ZFHX3: variants seen among roughly 807,000 people sequenced by gnomAD.
ZFHX3 encodes zinc finger homeobox protein 3.
A neutral mutation model predicts 279.1 loss-of-function variants in ZFHX3; 42 were observed. That is an observed-to-expected ratio of 0.15 (90% CI 0.12 to 0.19). The LOEUF is 0.19. Ranked by LOEUF, ZFHX3 falls within the 10% of genes least tolerant of loss-of-function variation. ZFHX3 has a pLI of 1.00. For synonymous variants in ZFHX3, 2,293 were observed against 1,957.8 expected (o/e 1.17, Z -4.52); for missense variants, 4,981 against 4,754.0 (o/e 1.05, Z -1.40).
intron 2 of ZFHX3, among the ~76,000 whole-genome samples, chr16:73,471,346 T>C (rs1014479057): frequency 1.3e-5 from 2 of 152,216 alleles, no homozygotes; most frequent in Admixed American, 6.5e-5. Context: ...AGGTAGGCTA[T>C]TCATGCCCTA....
chr16:73,784,794 A>ATAT (rs1555501444), intron 1 of ZFHX3, among the ~76,000 whole-genome samples: 18 of 114,220 alleles, frequency 1.6e-4, no homozygotes, highest in Admixed American at 9.6e-4. Context: ...AATAAAAAAA[A>ATAT]AAATATATAT....
chr16:73,848,836 GTCTCT>G (rs1360993558), intron 1 of ZFHX3, among the ~76,000 whole-genome samples: 1 of 152,158 alleles, frequency 6.6e-6, no homozygotes, highest in Non-Finnish European at 1.5e-5. Context: ...AACAGCTTCT[GTCTCT>G]TCTCAAGTTT....
intron 3 of ZFHX3, among the ~76,000 whole-genome samples, chr16:72,924,212 C>G (rs761399648): frequency 6.6e-6 from 1 of 152,150 alleles, no homozygotes; most frequent in Non-Finnish European, 1.5e-5. Context: ...AAAACTTAAA[C>G]GACTTTAGAT....
chr16:72,876,506 T>G (rs568131731), intron 4 of ZFHX3, among the ~76,000 whole-genome samples: 1 of 152,298 alleles, frequency 6.6e-6, no homozygotes, highest in African/African-American at 2.4e-5. Context: ...GCATCGCCCG[T>G]TGGAAAGTTT....
At chr16:73,017,234 GAA>G (rs113170514) in intron 1 of ZFHX3, among the ~76,000 whole-genome samples, 2 of 126,286 alleles carry the variant, frequency 1.6e-5, no homozygotes, top group Non-Finnish European at 3.4e-5. Flanking sequence ...CTCCCATCTC[GAA>G]AAAAAAAAAA....
intron 7 of ZFHX3, among the ~76,000 whole-genome samples, chr16:72,803,071 C>T (rs2036158525): frequency 1.3e-5 from 2 of 152,160 alleles, no homozygotes; most frequent in Non-Finnish European, 2.9e-5. Flanking sequence ...GTGGCTCAAG[C>T]CTGTAATCCC....
intron 1 of ZFHX3, among the ~76,000 whole-genome samples, chr16:73,844,335 G>A (rs1240866446): frequency 6.6e-6 from 1 of 152,200 alleles, no homozygotes; most frequent in Non-Finnish European, 1.5e-5. Flanking sequence ...CTTGGACTTG[G>A]TTGAAGGTAG....
At chr16:73,800,088 T>C (rs890608122) in intron 1 of ZFHX3, among the ~76,000 whole-genome samples, 3 of 152,164 alleles carry the variant, frequency 2.0e-5, no homozygotes, top group African/African-American at 4.8e-5. Context: ...AATTGTTTAA[T>C]AAAACAATGA....
chr16:73,440,502 G>A (rs971722319), intron 3 of ZFHX3, among the ~76,000 whole-genome samples: 9 of 152,124 alleles, frequency 5.9e-5, no homozygotes, highest in African/African-American at 1.2e-4. Flanking sequence ...TGCCTGCCAC[G>A]GAAAGTCTCC....
chr16:73,389,477 A>G (rs1239252471), intron 3 of ZFHX3, among the ~76,000 whole-genome samples: 2 of 152,204 alleles, frequency 1.3e-5, no homozygotes, highest in East Asian at 1.9e-4. Flanking sequence ...ATAAACCTGT[A>G]CCTCTTAGAG....
chr16:73,134,769 C>G (rs910424475), intron 6 of ZFHX3, among the ~76,000 whole-genome samples: 2 of 152,056 alleles, frequency 1.3e-5, no homozygotes, highest in Non-Finnish European at 2.9e-5. Flanking sequence ...CAACATCAGA[C>G]TTGGCCATGT....
chr16:73,855,216 C>CTTTTTT (rs1032892286), intron 1 of ZFHX3, among the ~76,000 whole-genome samples: 14 of 111,494 alleles, frequency 1.3e-4, no homozygotes, highest in African/African-American at 2.8e-4. Flanking sequence ...AGGCGTTAGC[C>CTTTTTT]TTTTTTTTTT....
rs540210292 is a variant in ZFHX3, at chr16:73,751,372, A to G, written c.-1607-71132T>C. ...ATGAGTAGAAAAAACACAGTATACC[A>G]GAAAAGTATTACAGGGTTTTAAGAA... On this transcript the variant is annotated intron_variant, in intron 1 of 17. Transcript: ENST00000641206. 9.2e-5 allele frequency among the ~76,000 whole-genome samples: 14 copies of G among 152,322 alleles called. No homozygotes were observed. In the East Asian group the frequency reaches 2.7e-3, roughly 29 times the overall value.
chr16:73,597,371 GCA>G, intron 2 of ZFHX3, among the ~76,000 whole-genome samples: 1 of 152,312 alleles, frequency 6.6e-6, no homozygotes, highest in South Asian at 2.1e-4. Context: ...ACTCAGGAGG[GCA>G]AGCTCCTCAA....
At chr16:73,866,007 A>G (rs1450280456) in intron 1 of ZFHX3, among the ~76,000 whole-genome samples, 4 of 151,818 alleles carry the variant, frequency 2.6e-5, no homozygotes, top group African/African-American at 4.8e-5. Flanking sequence ...ACAAAACAAA[A>G]TAAAACAAAA....
intron 1 of ZFHX3, among the ~76,000 whole-genome samples, chr16:73,879,832 C>G (rs1238603769): frequency 6.6e-6 from 1 of 152,088 alleles, no homozygotes. Context: ...CACCCACACA[C>G]ACACACACAG....
intron 3 of ZFHX3, among the ~76,000 whole-genome samples, chr16:73,416,635 A>G (rs562761159): frequency 6.6e-6 from 1 of 152,296 alleles, no homozygotes; most frequent in African/African-American, 2.4e-5. Flanking sequence ...GCACTTTGGG[A>G]GGCCGAGGCG....
intron 1 of ZFHX3, among the ~76,000 whole-genome samples, chr16:73,727,529 T>C (rs2053529702): frequency 6.6e-6 from 1 of 152,168 alleles, no homozygotes; most frequent in African/African-American, 2.4e-5. Flanking sequence ...TGATTTTTCT[T>C]CTACCATTAA....
In ZFHX3 at chr16:73,145,870, G is replaced by A. The variant is rs373326509; in HGVS notation, c.-1103-2039C>T. 3.8e-4 allele frequency among the ~76,000 whole-genome samples: 58 copies of A among 152,276 alleles called. No individual in the cohort carries two copies. The South Asian group carries it at 0.011, about 30-fold the overall frequency. Reference sequence around the variant, plus strand: ...TCCTGCAAGTCCAAGACAGTTCAGCGAACATAAAAAGAAGGCAATCAATGT... The same window carrying A: ...TCCTGCAAGTCCAAGACAGTTCAGCAAACATAAAAAGAAGGCAATCAATGT... On this transcript the variant is annotated intron_variant, in intron 5 of 17. Transcript: ENST00000641206.
Sources: gnomAD v4.1 joint callset for allele counts (sites outside exome capture counted in the v4.1 genomes callset) on GRCh38, gnomAD v4.1.1 for gene constraint, MANE v1.5 for transcripts, NCBI Gene and HGNC (gene_info 2026-07-23, HGNC 2026-07-21) for gene names.